The following MYDGF variants were observed in gnomAD, a reference collection of about 807,000 sequenced individuals.
MYDGF encodes myeloid derived growth factor, also known as myeloid-derived growth factor.
MYDGF carries 29 observed loss-of-function variants against 24.2 expected under a neutral mutation model. That is an observed-to-expected ratio of 1.20 (90% CI 0.89 to 1.63). The LOEUF is 1.63. Ranked by LOEUF, MYDGF falls within the 40% of genes most tolerant of loss-of-function variation. The probability of loss-of-function intolerance (pLI) is 0.00; values close to 1 mark genes in which losing one functional copy is unlikely to be tolerated. For synonymous variants in MYDGF, 105 were observed against 102.5 expected, an observed-to-expected ratio of 1.02 and a Z score of -0.15; for missense variants, 245 against 234.8, an observed-to-expected ratio of 1.04 and a Z score of -0.29.
In MYDGF at chr19:4,670,310, T is replaced by C. The variant is rs754902891; in HGVS notation, c.25A>G (p.Asn9Asp). ...GCCCACAAGCTCGCGCCGACGCCGT[T>C]CCACCCTCCGCTGGGCGCCGCCATG... The part of the protein sequence containing the change: MAAPSGGW[N>D]GVGASLWAAL... The change falls in exon 1 of 6, where the codon AAC becomes GAC. Residue 9 changes from asparagine (N) to aspartate (D), a missense_variant. Physicochemically the swap from Asn to Asp is conservative, Grantham distance 23. Transcript: ENST00000262947. 5 of 1,485,946 alleles carry C rather than the reference T, an allele frequency of 3.4e-6. No individual in the cohort carries two copies. Among genetic ancestry groups the C allele is most frequent in the South Asian group, 1.3e-5 (1 of 77,342 alleles). The allele number at this position is 1,485,946 out of a possible 1,614,324, so 92.0% of individuals were successfully genotyped here.
chr19:4,668,842 C>T (rs1468334362), intron 1 of MYDGF, 197 bp from the exon 2 acceptor site: 1 of 501,170 alleles, frequency 2.0e-6, no homozygotes, highest in African/African-American at 2.2e-5. Flanking sequence ...ACCACCACAC[C>T]CGACTAATTT....
At chr19:4,662,582 C>T (rs911328961) in intron 3 of MYDGF, among the ~76,000 whole-genome samples, 6 of 152,154 alleles carry the variant, frequency 3.9e-5, no homozygotes, top group Non-Finnish European at 7.4e-5. Flanking sequence ...CAGAATCGGG[C>T]GGTGTCTGGG....
chr19:4,663,164 G>A (rs1173122871), intron 3 of MYDGF, among the ~76,000 whole-genome samples: 11 of 73,082 alleles, frequency 1.5e-4, no homozygotes, highest in African/African-American at 5.1e-4. Flanking sequence ...CACCCGTCCT[G>A]TCCTCATTCT....
At chr19:4,666,714 C>T (rs1345179879) in intron 2 of MYDGF, among the ~76,000 whole-genome samples, 2 of 152,150 alleles carry the variant, frequency 1.3e-5, no homozygotes, top group South Asian at 2.1e-4. Flanking sequence ...TCCATTAGTA[C>T]GGGATTGTCA....
At chr19:4,667,011 T>C (rs1235233079) in intron 2 of MYDGF, among the ~76,000 whole-genome samples, 1 of 152,090 alleles carries the variant, frequency 6.6e-6, no homozygotes, top group Non-Finnish European at 1.5e-5. Flanking sequence ...CTTCATTTCC[T>C]TGCTGCCAGC....
intron 3 of MYDGF, 145 bp from the exon 4 acceptor site, chr19:4,660,895 G>A (rs1302374273): frequency 1.8e-5 from 10 of 546,792 alleles, no homozygotes; most frequent in South Asian, 5.0e-5. Flanking sequence ...TCCCGAGCAC[G>A]AGCACCTGCT....
Sources: allele counts gnomAD v4.1 joint callset (sites outside exome capture counted in the v4.1 genomes callset), GRCh38; gene constraint gnomAD v4.1.1; transcripts MANE v1.5; gene names NCBI Gene and HGNC (gene_info 2026-07-23, HGNC 2026-07-21).